CDK14: variants seen among roughly 807,000 people sequenced by gnomAD.
CDK14 encodes cyclin dependent kinase 14.
A neutral mutation model predicts 60.7 loss-of-function variants in CDK14; 34 were observed. The ratio of observed to expected loss-of-function variants is 0.56; its 90% confidence interval spans 0.43 to 0.75. CDK14 has a LOEUF of 0.75. CDK14 is among the 30% of genes least tolerant of loss of function. The pLI, the probability that CDK14 is intolerant of heterozygous loss-of-function variation, is 0.00. For synonymous variants in CDK14, 197 were observed against 203.7 expected (o/e 0.97, Z 0.28); for missense variants, 482 against 564.1 (o/e 0.85, Z 1.47).
At chr7:90,668,993 G>A (rs1171668839) in intron 2 of CDK14, among the ~76,000 whole-genome samples, 1 of 151,864 alleles carries the variant, frequency 6.6e-6, no homozygotes, top group East Asian at 1.9e-4. Context: ...TAGGATTACA[G>A]GCATGAGCCA....
chr7:91,127,669 C>CT (rs998127858), intron 14 of CDK14, among the ~76,000 whole-genome samples: 8 of 149,948 alleles, frequency 5.3e-5, no homozygotes, highest in East Asian at 3.9e-4. Flanking sequence ...ATTTTAACTT[C>CT]TTTTTTTTTA....
chr7:91,059,995 G>T (rs1797726872), intron 11 of CDK14, among the ~76,000 whole-genome samples: 1 of 152,154 alleles, frequency 6.6e-6, no homozygotes, highest in African/African-American at 2.4e-5. Flanking sequence ...GTCTAATGTT[G>T]AAAGTCGGGT....
At chr7:91,155,606 A>T (rs1238552026) in intron 14 of CDK14, among the ~76,000 whole-genome samples, 3 of 152,234 alleles carry the variant, frequency 2.0e-5, no homozygotes, top group African/African-American at 7.2e-5. Context: ...ATCATCTTTG[A>T]CACAGTTGCC....
In CDK14 at chr7:90,947,561, T is replaced by C. The variant is rs188416750; in HGVS notation, c.827-8136T>C. ...AAAACCATTAGAGTACCTAACAGAT[T>C]ATAACTGCTCAATAAATTATCTTGT... is the stretch of plus-strand genomic sequence containing the variant. On this transcript the variant is annotated intron_variant, in intron 8 of 14. Transcript: ENST00000380050. Among the ~76,000 whole-genome samples, 51 of 152,352 alleles carry C rather than the reference T, an allele frequency of 3.3e-4. No homozygotes were observed. In the East Asian group the frequency reaches 9.8e-3, roughly 29 times the overall value.
At chr7:90,696,487 T>G (rs1394108694) in intron 2 of CDK14, among the ~76,000 whole-genome samples, 3 of 151,906 alleles carry the variant, frequency 2.0e-5, no homozygotes, top group Non-Finnish European at 4.4e-5. Context: ...ATTACAGGCA[T>G]GCACCACCAT....
chr7:91,127,552 TG>T (rs1247976399), intron 14 of CDK14, among the ~76,000 whole-genome samples: 3 of 152,170 alleles, frequency 2.0e-5, no homozygotes, highest in Non-Finnish European at 2.9e-5. Context: ...GCAGTCTCAT[TG>T]ATAGAAGAGA....
intron 2 of CDK14, among the ~76,000 whole-genome samples, chr7:90,648,522 T>C (rs1450894911): frequency 6.6e-6 from 1 of 151,994 alleles, no homozygotes; most frequent in Non-Finnish European, 1.5e-5. Flanking sequence ...GAGGCAAGGA[T>C]CAGTGGGGCC....
At chr7:91,057,087 T>C (rs1222511612) in intron 11 of CDK14, among the ~76,000 whole-genome samples, 2 of 152,222 alleles carry the variant, frequency 1.3e-5, no homozygotes, top group South Asian at 2.1e-4. Flanking sequence ...CCTGACTTTT[T>C]AGTGATTGCC....
intron 5 of CDK14, among the ~76,000 whole-genome samples, chr7:90,818,337 T>C (rs1172599943): frequency 1.3e-5 from 2 of 152,120 alleles, no homozygotes; most frequent in Non-Finnish European, 2.9e-5. Context: ...ATGGAAAAAT[T>C]AGTGCAAAAA....
intron 5 of CDK14, among the ~76,000 whole-genome samples, chr7:90,797,778 A>G (rs749444176): frequency 2.0e-5 from 3 of 151,694 alleles, no homozygotes; most frequent in Non-Finnish European, 4.4e-5. Flanking sequence ...GGTCCTATAC[A>G]CTCTTAAACA....
chr7:91,000,585 C>T (rs1310542039), intron 10 of CDK14, among the ~76,000 whole-genome samples: 1 of 152,194 alleles, frequency 6.6e-6, no homozygotes, highest in Non-Finnish European at 1.5e-5. Flanking sequence ...AGAGAGTACT[C>T]TTTATTCCCT....
At chr7:90,958,324 T>G (rs903655384) in intron 9 of CDK14, among the ~76,000 whole-genome samples, 2 of 152,168 alleles carry the variant, frequency 1.3e-5, no homozygotes, top group African/African-American at 2.4e-5. Context: ...TTTATTTTTA[T>G]TGAAGTGTAG....
At chr7:90,921,600 T>TA (rs1388641508) in intron 8 of CDK14, among the ~76,000 whole-genome samples, 2 of 152,132 alleles carry the variant, frequency 1.3e-5, no homozygotes, top group Non-Finnish European at 2.9e-5. Flanking sequence ...ATTGAATGAA[T>TA]AAAAAATATA....
intron 10 of CDK14, among the ~76,000 whole-genome samples, chr7:91,037,193 A>G (rs1295838448): frequency 6.6e-6 from 1 of 152,234 alleles, no homozygotes; most frequent in Non-Finnish European, 1.5e-5. Context: ...AGGTTCAGCC[A>G]GTTGTTCATG....
At chr7:90,608,596 A>G (rs1374759856) in intron 2 of CDK14, 1 of 953,132 alleles carries the variant, frequency 1.0e-6, no homozygotes, top group African/African-American at 1.8e-5. Context: ...CAAAATTTTT[A>G]GCAATTAGAA....
At chr7:91,018,545 A>G (rs1417791750) in intron 10 of CDK14, among the ~76,000 whole-genome samples, 2 of 152,166 alleles carry the variant, frequency 1.3e-5, no homozygotes, top group East Asian at 1.9e-4. Flanking sequence ...GGGCATTGAT[A>G]TGGTTTGGCT....
chr7:90,755,427 C>T (rs1584860227), intron 4 of CDK14, among the ~76,000 whole-genome samples: 1 of 152,196 alleles, frequency 6.6e-6, no homozygotes, highest in Middle Eastern at 3.4e-3. Context: ...TACACTTGGA[C>T]ATAAGTTGGG....
rs140408192 is a variant in CDK14 at position 90,889,441 on chromosome 7, G to T, written c.640-9850G>T. Among the ~76,000 whole-genome samples, 8 of 152,288 alleles carry T rather than the reference G, an allele frequency of 5.3e-5. 1 individual carries two copies. In the East Asian group the frequency reaches 1.5e-3, roughly 29 times the overall value. On this transcript the variant is annotated intron_variant, in intron 6 of 14. Coordinates refer to ENST00000380050, the MANE Select transcript of CDK14 (RefSeq NM_001287135.2). ...CTTCCTGTTCCAGTCACCAGCCCCA[G>T]GCTGCCCGTACATTTTGGATTCAGA...
chr7:90,933,711 T>C (rs182421033), intron 8 of CDK14, among the ~76,000 whole-genome samples: 15 of 152,284 alleles, frequency 9.9e-5, no homozygotes, highest in Admixed American at 8.5e-4. Context: ...TCATGAAGTT[T>C]TAAGACAAGG....
Sources: allele counts gnomAD v4.1 joint callset (sites outside exome capture counted in the v4.1 genomes callset), GRCh38; gene constraint gnomAD v4.1.1; transcripts MANE v1.5; gene names NCBI Gene and HGNC (gene_info 2026-07-23, HGNC 2026-07-21).